SNX8: variants seen among roughly 807,000 people sequenced by gnomAD.
SNX8 encodes the protein sorting nexin 8.
A neutral mutation model predicts 51.6 loss-of-function variants in SNX8; 25 were observed. That is an observed-to-expected ratio of 0.48 (90% CI 0.35 to 0.68). The LOEUF (loss-of-function observed/expected upper bound fraction) is 0.68. Among genes scored for constraint, SNX8 ranks in the 30% least tolerant of loss-of-function variants. SNX8 has a pLI of 0.00. For missense variants in SNX8, 695 were observed against 624.0 expected (o/e 1.11, Z -1.21); for synonymous variants, 324 against 277.0 (o/e 1.17, Z -1.68).
intron 1 of SNX8, among the ~76,000 whole-genome samples, chr7:2,289,520 C>T (rs763000389): frequency 1.3e-5 from 2 of 152,126 alleles, no homozygotes; most frequent in Non-Finnish European, 2.9e-5. Flanking sequence ...AACACAGTTG[C>T]GATCCATTAG....
At chr7:2,258,661 A>G (rs1795257816) in intron 7 of SNX8, among the ~76,000 whole-genome samples, 1 of 152,166 alleles carries the variant, frequency 6.6e-6, no homozygotes, top group South Asian at 2.1e-4. Flanking sequence ...CAGGGTAGGT[A>G]GGAGAGACAG....
Position 2,268,201 on chromosome 7 carries a change from C to A in SNX8, c.621+1358G>T, listed in dbSNP as rs531251973. On this transcript the variant is annotated intron_variant, in intron 5 of 10. Coordinates refer to ENST00000222990, the MANE Select transcript of SNX8 (RefSeq NM_013321.4). Reference sequence around the variant, plus strand: ...CCCTCCGCCCGGCCAGCCGCCCCATCTGGGATGTGAGGAGCGCCTCTGCCC... The same window carrying A: ...CCCTCCGCCCGGCCAGCCGCCCCATATGGGATGTGAGGAGCGCCTCTGCCC... 4.3e-4 allele frequency among the ~76,000 whole-genome samples: 61 copies of A among 142,166 alleles called. 2 individuals carry two copies. The highest frequency in any genetic ancestry group is 1.6e-3 in the African/African-American group (60 of 36,752). The allele number at this position is 142,166 out of a possible 152,430, so 93.3% of individuals were successfully genotyped here.
intron 5 of SNX8, among the ~76,000 whole-genome samples, chr7:2,267,504 G>A (rs1472596174): frequency 1.6e-5 from 2 of 128,306 alleles, no homozygotes; most frequent in Admixed American, 1.6e-4. Context: ...GGTGGAGACG[G>A]GGTTTCGCTG....
chr7:2,274,900 G>T (rs1047103033), intron 3 of SNX8: 25 of 550,956 alleles, frequency 4.5e-5, no homozygotes, highest in Admixed American at 3.8e-4. Context: ...GAAGGCTCTG[G>T]TGGGCCAAGG....
At position 2,297,550 on chromosome 7, in the gene SNX8, C is replaced by CAAAAAAAAAA. The variant is rs145543350; in HGVS notation, c.94+16768_94+16777dup. 6.0e-4 allele frequency among the ~76,000 whole-genome samples: 24 copies of CAAAAAAAAAA among 40,268 alleles called. 1 individual carries two copies. The highest frequency in any genetic ancestry group is 1.0e-3 in the South Asian group (1 of 966). The allele number at this position is 40,268 out of a possible 152,430, so 26.4% of individuals were successfully genotyped here. A position where few individuals can be genotyped will look rare whatever the true frequency, so the allele number is the denominator to read the frequency against. On this transcript the variant is annotated intron_variant, in intron 1 of 10. Transcript: ENST00000222990. ...GGGCAACAGGAGCAAAACCCCGCCGCAAAAAAAAAAAAAAAAAAAAAAAAA... is the reference window on the plus strand; with the variant it reads ...GGGCAACAGGAGCAAAACCCCGCCGCAAAAAAAAAAAAAAAAAAAAAAAAAAAAAAAAAAA...
chr7:2,332,723 G>A (rs1778757650), intron 1 of SNX8, among the ~76,000 whole-genome samples: 5 of 127,598 alleles, frequency 3.9e-5, no homozygotes, highest in South Asian at 2.7e-4. Context: ...GTACTCCAGT[G>A]AGAGAGAGAG....
At chr7:2,283,910 C>T (rs562003494) in intron 1 of SNX8, among the ~76,000 whole-genome samples, 111 of 152,300 alleles carry the variant, frequency 7.3e-4, no homozygotes, top group African/African-American at 2.5e-3. Flanking sequence ...ATTCTCATGC[C>T]TCAACCTCCC....
chr7:2,314,105 G>A (rs1474538005), intron 1 of SNX8, among the ~76,000 whole-genome samples: 1 of 152,188 alleles, frequency 6.6e-6, no homozygotes, highest in Non-Finnish European at 1.5e-5. Flanking sequence ...AGGAGGGCAG[G>A]GGACCCCGAG....
intron 1 of SNX8, among the ~76,000 whole-genome samples, chr7:2,341,954 C>T (rs1371295182): frequency 1.3e-5 from 2 of 150,612 alleles, no homozygotes; most frequent in East Asian, 3.9e-4. Flanking sequence ...GCCTGGATGA[C>T]AGAGTGAGAA....
In SNX8 at chr7:2,255,105, G is replaced by T; in HGVS notation, c.1349C>A (p.Thr450Asn). Residue 450 changes from threonine (T) to asparagine (N), a missense_variant, in exon 11 of 11, where the codon ACC becomes AAC. Physicochemically the swap from Thr to Asn is moderately conservative, Grantham distance 65. Transcript: ENST00000222990. ...CGGCGGGGAGCACGGTGGGGTCAGG[G>T]TGCTGTGTGGTCCCGCAAAGAGGCA... ...LSCLFAGPHS[T>N]LTPPCSPPED... 6.3e-7 allele frequency: 1 copy of T among 1,580,754 alleles called. No homozygotes were observed. Among genetic ancestry groups the T allele is most frequent in the Non-Finnish European group, 8.6e-7 (1 of 1,163,920 alleles).
intron 1 of SNX8, among the ~76,000 whole-genome samples, chr7:2,339,274 C>T (rs757775184): frequency 1.3e-5 from 2 of 152,058 alleles, no homozygotes; most frequent in African/African-American, 2.4e-5. Flanking sequence ...GGCACGATCT[C>T]GGCTCACTGC....
intron 1 of SNX8, among the ~76,000 whole-genome samples, chr7:2,327,504 T>C (rs1778643876): frequency 6.6e-6 from 1 of 151,640 alleles, no homozygotes; most frequent in South Asian, 2.1e-4. Flanking sequence ...GCATCTCTGG[T>C]TCATGCCATT....
chr7:2,281,493 G>C (rs1795904941), intron 1 of SNX8, among the ~76,000 whole-genome samples: 1 of 151,746 alleles, frequency 6.6e-6, no homozygotes, highest in African/African-American at 2.4e-5. Flanking sequence ...ACACACTGCA[G>C]AACGGGCAGA....
intron 4 of SNX8, among the ~76,000 whole-genome samples, chr7:2,270,302 A>C: frequency 8.9e-6 from 1 of 112,120 alleles, no homozygotes; most frequent in African/African-American, 3.5e-5. Context: ...ATCTGACTCA[A>C]CTCTCATTTT....
intron 1 of SNX8, among the ~76,000 whole-genome samples, chr7:2,335,907 G>A (rs1026021507): frequency 6.6e-6 from 1 of 151,058 alleles, no homozygotes; most frequent in African/African-American, 2.4e-5. Context: ...AATAATGCCA[G>A]CCTGGCCAAC....
At chr7:2,298,729 T>TC (rs1237404718) in intron 1 of SNX8, among the ~76,000 whole-genome samples, 1 of 151,558 alleles carries the variant, frequency 6.6e-6, no homozygotes, top group African/African-American at 2.4e-5. Context: ...TCTTGCTCTG[T>TC]CCCCCAGCCT....
chr7:2,326,645 G>A (rs1047728148), intron 1 of SNX8, among the ~76,000 whole-genome samples: 11 of 151,856 alleles, frequency 7.2e-5, no homozygotes, highest in African/African-American at 1.2e-4. Flanking sequence ...CAGCCTGGGC[G>A]ACAGAGTCTC....
intron 1 of SNX8, among the ~76,000 whole-genome samples, chr7:2,330,700 G>T (rs1778714654): frequency 6.6e-6 from 1 of 152,026 alleles, no homozygotes; most frequent in Non-Finnish European, 1.5e-5. Context: ...ACCCAGCTGT[G>T]CCTGCTGCTT....
chr7:2,310,073 G>A, intron 1 of SNX8: 1 of 357,414 alleles, frequency 2.8e-6, no homozygotes. Flanking sequence ...AAGAGTCAAT[G>A]TAGGGCCGCA....
Sources: allele counts gnomAD v4.1 joint callset (sites outside exome capture counted in the v4.1 genomes callset), GRCh38; gene constraint gnomAD v4.1.1; transcripts MANE v1.5; gene names NCBI Gene and HGNC (gene_info 2026-07-23, HGNC 2026-07-21).